Variants in CADM1 observed in about 807,000 individuals in gnomAD.
CADM1 encodes the protein TSLC-1.
CADM1 carries 15 observed loss-of-function variants against 53.1 expected under a neutral mutation model. The observed-to-expected ratio is 0.28, with a 90% CI of 0.19 to 0.44. CADM1 has a LOEUF of 0.44. Among genes scored for constraint, CADM1 ranks in the 20% least tolerant of loss-of-function variants. The pLI is 1.00. For synonymous variants in CADM1, 281 were observed against 243.0 expected, an observed-to-expected ratio of 1.16 and a Z score of -1.45; for missense variants, 434 against 611.3, an observed-to-expected ratio of 0.71 and a Z score of 3.06.
intron 5 of CADM1, among the ~76,000 whole-genome samples, chr11:115,221,407 A>G (rs765760203): frequency 2.6e-5 from 4 of 152,216 alleles, no homozygotes; most frequent in African/African-American, 4.8e-5. Flanking sequence ...AGGGTTAAAC[A>G]CCAGGAGGCT....
chr11:115,284,112 CTCTG>C (rs1284997310), intron 1 of CADM1, among the ~76,000 whole-genome samples: 48 of 129,394 alleles, frequency 3.7e-4, no homozygotes, highest in Admixed American at 2.0e-3. Context: ...CTCTCTCTCT[CTCTG>C]TGTGTGTGTG....
At chr11:115,387,558 T>C (rs1407400866) in intron 1 of CADM1, among the ~76,000 whole-genome samples, 1 of 152,186 alleles carries the variant, frequency 6.6e-6, no homozygotes, top group Non-Finnish European at 1.5e-5. Context: ...CTGAACTTTT[T>C]AGTAGGTCTT....
At chr11:115,305,783 T>C (rs1944348874) in intron 1 of CADM1, among the ~76,000 whole-genome samples, 1 of 150,942 alleles carries the variant, frequency 6.6e-6, no homozygotes, top group Non-Finnish European at 1.5e-5. Context: ...TAGTGACTCA[T>C]GTTAGAGCTA....
chr11:115,349,478 C>A (rs1945669513), intron 1 of CADM1, among the ~76,000 whole-genome samples: 1 of 152,114 alleles, frequency 6.6e-6, no homozygotes. Context: ...TAAAGTAAAT[C>A]ACTGTCAGGA....
Position 115,240,305 on chromosome 11 carries a change from G to A in CADM1, c.240C>T (p.Asn80=). 1 of 1,613,808 alleles carries A rather than the reference G, an allele frequency of 6.2e-7. No individual in the cohort carries two copies. The highest frequency in any genetic ancestry group is 1.1e-5 in the South Asian group (1 of 91,066). The change falls in exon 2 of 12, where the codon AAC becomes AAT. Residue 80 remains asparagine (N), a synonymous_variant. Coordinates refer to ENST00000331581, the MANE Select transcript of CADM1 (RefSeq NM_001301043.2). ...DDSVIQLLNP[N]RQTIYFRDFR... ...AGTCCCTGAAATAAATGGTCTGCCT[G>A]TTGGGATTCAGTAGCTGAATCACAG...
chr11:115,387,803 T>G (rs1401366913), intron 1 of CADM1, among the ~76,000 whole-genome samples: 1 of 152,050 alleles, frequency 6.6e-6, no homozygotes, highest in Non-Finnish European at 1.5e-5. Flanking sequence ...TGTATATTAT[T>G]TTTCCTGTCT....
chr11:115,349,693 T>G (rs1039065218), intron 1 of CADM1, among the ~76,000 whole-genome samples: 6 of 152,204 alleles, frequency 3.9e-5, no homozygotes, highest in Admixed American at 3.3e-4. Flanking sequence ...CAAAAACTTG[T>G]CATCTTTGTT....
rs182718047 is a variant in CADM1, at chr11:115,273,167, G to C, written c.125-32747C>G. On this transcript the variant is annotated intron_variant, in intron 1 of 11. Coordinates refer to ENST00000331581, the MANE Select transcript of CADM1 (RefSeq NM_001301043.2). ...TGACATGAAGACTAAGAATAAAACT[G>C]TTTTGATCTATTAAGTGACCTACTG... Among the ~76,000 whole-genome samples the C allele has an allele frequency of 2.7e-3, 414 of 152,258 alleles. 6 individuals are homozygous for C. The highest frequency in any genetic ancestry group is 2.6e-3 in the Non-Finnish European group (177 of 68,012).
At chr11:115,404,178 T>C (rs1338969088) in intron 1 of CADM1, among the ~76,000 whole-genome samples, 2 of 148,370 alleles carry the variant, frequency 1.3e-5, no homozygotes, top group South Asian at 2.2e-4. Flanking sequence ...ATACAAAAAT[T>C]AGCTGGGTGT....
At chr11:115,488,750 C>T (rs765827931) in intron 1 of CADM1, among the ~76,000 whole-genome samples, 3 of 152,214 alleles carry the variant, frequency 2.0e-5, no homozygotes, top group Non-Finnish European at 4.4e-5. Context: ...TTTGCCAGTC[C>T]TATTTCACAG....
At chr11:115,403,014 G>A (rs1487503468) in intron 1 of CADM1, among the ~76,000 whole-genome samples, 4 of 152,310 alleles carry the variant, frequency 2.6e-5, no homozygotes, top group Non-Finnish European at 5.9e-5. Context: ...AAGAATGCAT[G>A]CTAAAATTAC....
chr11:115,376,932 A>G (rs1946452818), intron 1 of CADM1, among the ~76,000 whole-genome samples: 2 of 152,218 alleles, frequency 1.3e-5, no homozygotes, highest in African/African-American at 2.4e-5. Context: ...AGCATGTTTT[A>G]TAAGTCATTT....
intron 1 of CADM1, among the ~76,000 whole-genome samples, chr11:115,460,545 A>G (rs1439986272): frequency 2.1e-4 from 32 of 152,210 alleles, no homozygotes; most frequent in Non-Finnish European, 1.5e-4. Context: ...CTCTAAATGC[A>G]CTGTCACCAG....
chr11:115,213,461 G>C (rs1941048118), intron 7 of CADM1, among the ~76,000 whole-genome samples: 1 of 147,584 alleles, frequency 6.8e-6, no homozygotes, highest in African/African-American at 2.6e-5. Context: ...GTGATTAGAT[G>C]TGATCTTTTA....
At chr11:115,418,644 G>C (rs2135264492) in intron 1 of CADM1, among the ~76,000 whole-genome samples, 1 of 152,192 alleles carries the variant, frequency 6.6e-6, no homozygotes, top group Middle Eastern at 3.4e-3. Flanking sequence ...ATGTCAAAGA[G>C]CCTATAGCCC....
intron 1 of CADM1, among the ~76,000 whole-genome samples, chr11:115,254,702 GGAA>G (rs1283804252): frequency 2.0e-5 from 3 of 151,970 alleles, no homozygotes; most frequent in Non-Finnish European, 2.9e-5. Flanking sequence ...CTAGAGAGGG[GGAA>G]GAAGGAGAGG....
In CADM1 at chr11:115,295,546, AT is replaced by A. The variant is rs1388216260; in HGVS notation, c.125-55127del. 1.5e-3 allele frequency among the ~76,000 whole-genome samples: 81 copies of A among 54,098 alleles called. No individual in the cohort carries two copies. In the East Asian group the frequency reaches 0.073, roughly 49 times the overall value. 35.5% of individuals were successfully genotyped at this position (54,098 alleles called of 152,430 possible). A position where few individuals can be genotyped will look rare whatever the true frequency, so the allele number is the denominator to read the frequency against. The stretch of plus-strand genomic sequence containing the variant: ...TATATATATATATATATATATATAT[AT>A]ATAATATATATGTATATGCACATAT... On this transcript the variant is annotated intron_variant, in intron 1 of 11. Transcript: ENST00000331581.
chr11:115,352,417 A>T (rs1945760874), intron 1 of CADM1, among the ~76,000 whole-genome samples: 1 of 152,212 alleles, frequency 6.6e-6, no homozygotes, highest in African/African-American at 2.4e-5. Flanking sequence ...GCTTACATGG[A>T]ATAGTCTTCT....
chr11:115,189,718 A>G (rs996465865), intron 10 of CADM1, among the ~76,000 whole-genome samples: 3 of 152,216 alleles, frequency 2.0e-5, no homozygotes, highest in African/African-American at 7.2e-5. Context: ...GGATTTGGAA[A>G]TTCATTCATT....
Sources: allele counts gnomAD v4.1 joint callset (sites outside exome capture counted in the v4.1 genomes callset), GRCh38; gene constraint gnomAD v4.1.1; transcripts MANE v1.5; gene names NCBI Gene and HGNC (gene_info 2026-07-23, HGNC 2026-07-21).